The following PLCE1 variants were observed in gnomAD, a reference collection of about 807,000 sequenced individuals.
The protein encoded by PLCE1 is phospholipase C epsilon 1.
PLCE1 carries 119 observed loss-of-function variants against 242.8 expected under a neutral mutation model. The observed-to-expected ratio is 0.49, with a 90% CI of 0.42 to 0.57. The LOEUF is 0.57. Ranked by LOEUF, PLCE1 falls within the 20% of genes least tolerant of loss-of-function variation. The pLI, the probability that PLCE1 is intolerant of heterozygous loss-of-function variation, is 0.00. For synonymous variants in PLCE1, 945 were observed against 1,017.4 expected (o/e 0.93, Z 1.35); for missense variants, 2,441 against 2,788.8 (o/e 0.88, Z 2.81).
chr10:94,160,299 A>G lies in PLCE1; in HGVS notation c.1493-10881A>G, dbSNP rs560259464. Reference sequence around the variant, plus strand: ...GCACCTGTTGTTTCCTGACTTTTTAATGATTGCCATTCTAACTGGTATGAG... The same window carrying G: ...GCACCTGTTGTTTCCTGACTTTTTAGTGATTGCCATTCTAACTGGTATGAG... On this transcript the variant is annotated intron_variant, in intron 3 of 32. Transcript: ENST00000371380. 2.6e-5 allele frequency among the ~76,000 whole-genome samples: 4 copies of G among 152,216 alleles called. No individual in the cohort carries two copies. In the East Asian group the frequency reaches 5.8e-4, roughly 22 times the overall value.
chr10:94,204,775 G>A (rs558776488), intron 4 of PLCE1, among the ~76,000 whole-genome samples: 4 of 128,040 alleles, frequency 3.1e-5, no homozygotes, highest in East Asian at 2.3e-4. Context: ...AGGAAGGAAG[G>A]AAGGAAGGAA....
chr10:94,156,518 T>G (rs2047438608), intron 3 of PLCE1, among the ~76,000 whole-genome samples: 1 of 152,178 alleles, frequency 6.6e-6, no homozygotes, highest in African/African-American at 2.4e-5. Flanking sequence ...TAGAGCAACG[T>G]GTGGGGAAGG....
At chr10:94,184,573 G>A (rs1214990119) in intron 4 of PLCE1, among the ~76,000 whole-genome samples, 4 of 152,070 alleles carry the variant, frequency 2.6e-5, no homozygotes, top group African/African-American at 7.2e-5. Context: ...TAGGTGATCT[G>A]CCTGCCTCAG....
chr10:94,273,762 C>T, intron 19 of PLCE1, 42 bp downstream of exon 19: 1 of 1,575,486 alleles, frequency 6.3e-7, no homozygotes, highest in Non-Finnish European at 8.7e-7. Flanking sequence ...GGCAGTGTGC[C>T]TAGAACAAAG....
Position 94,328,127 on chromosome 10 carries a change from A to AC in PLCE1, c.*186dup, listed in dbSNP as rs1441728722. 2.9e-6 allele frequency: 1 copy of AC among 349,930 alleles called. No individual in the cohort carries two copies. The highest frequency in any genetic ancestry group is 3.4e-5 in the Admixed American group (1 of 29,040). 21.7% of individuals were successfully genotyped at this position (349,930 alleles called of 1,614,324 possible). ...GCAAAATGGCACAGGGCTAGTTGCC[A>AC]CCAACCAATTTACTGATGAATGAAG... On this transcript the variant is annotated 3_prime_UTR_variant, in exon 33 of 33. Coordinates refer to ENST00000371380, the MANE Select transcript of PLCE1 (RefSeq NM_016341.4).
At chr10:94,164,764 T>G (rs147121076) in intron 3 of PLCE1, among the ~76,000 whole-genome samples, 2,066 of 152,272 alleles carry the variant, frequency 0.014, 23 homozygotes, top group Non-Finnish European at 0.022. Flanking sequence ...CATCTTTGTG[T>G]TTTTATCTAC....
rs113690587 is a variant in PLCE1, at chr10:94,174,447, A to C, written c.1809+2951A>C. Among the ~76,000 whole-genome samples, 130 of 152,334 alleles carry C rather than the reference A, an allele frequency of 8.5e-4. 1 individual carries two copies. The highest frequency in any genetic ancestry group is 3.4e-3 in the Middle Eastern group (1 of 294). ...AAATTATTGGGCAAAAGTAAGTTTGATGAGAAATAGGACATTTGCAAATAG... is the reference window on the plus strand; with the variant it reads ...AAATTATTGGGCAAAAGTAAGTTTGCTGAGAAATAGGACATTTGCAAATAG... On this transcript the variant is annotated intron_variant, in intron 4 of 32. Coordinates refer to ENST00000371380, the MANE Select transcript of PLCE1 (RefSeq NM_016341.4).
chr10:94,083,244 TA>T (rs762589349), intron 2 of PLCE1, among the ~76,000 whole-genome samples: 2 of 152,180 alleles, frequency 1.3e-5, no homozygotes, highest in Non-Finnish European at 2.9e-5. Context: ...GTGTATTGGA[TA>T]AAATAACATC....
At chr10:94,068,879 C>A (rs899130074) in intron 2 of PLCE1, among the ~76,000 whole-genome samples, 1 of 152,166 alleles carries the variant, frequency 6.6e-6, no homozygotes, top group Admixed American at 6.5e-5. Context: ...TTGTTACATG[C>A]CTATCTTCCT....
intron 2 of PLCE1, among the ~76,000 whole-genome samples, chr10:94,068,252 C>T (rs968400378): frequency 6.6e-6 from 1 of 152,192 alleles, no homozygotes; most frequent in African/African-American, 2.4e-5. Flanking sequence ...TTAGCCTTCT[C>T]AGCAATAGAA....
At chr10:94,142,667 A>G (rs552793608) in intron 3 of PLCE1, among the ~76,000 whole-genome samples, 58 of 152,358 alleles carry the variant, frequency 3.8e-4, no homozygotes, top group African/African-American at 1.3e-3. Context: ...TGCCACCACC[A>G]TCTTGAAATG....
At chr10:94,206,135 G>A (rs559014975) in intron 4 of PLCE1, among the ~76,000 whole-genome samples, 4 of 152,272 alleles carry the variant, frequency 2.6e-5, no homozygotes, top group South Asian at 4.1e-4. Flanking sequence ...ACCTCAAGTC[G>A]AGTGATGAGG....
intron 1 of PLCE1, among the ~76,000 whole-genome samples, chr10:94,005,816 C>T (rs2061024745): frequency 6.6e-6 from 1 of 152,164 alleles, no homozygotes; most frequent in African/African-American, 2.4e-5. Flanking sequence ...CCTCACCTTC[C>T]CAGTCATGAC....
At chr10:94,070,574 G>C (rs968489821) in intron 2 of PLCE1, among the ~76,000 whole-genome samples, 2 of 152,100 alleles carry the variant, frequency 1.3e-5, no homozygotes, top group Non-Finnish European at 2.9e-5. Flanking sequence ...TCTCAGTCTA[G>C]ACTCTAATTG....
chr10:94,104,231 C>T (rs1770936061), intron 2 of PLCE1: 1 of 152,210 alleles, frequency 6.6e-6, no homozygotes, highest in Non-Finnish European at 1.5e-5. Flanking sequence ...GTAACGTCCT[C>T]TTCACAACCC....
At chr10:94,270,722 T>G (rs1230730508) in intron 18 of PLCE1, 120 bp downstream of exon 18, 6 of 753,958 alleles carry the variant, frequency 8.0e-6, no homozygotes, top group African/African-American at 1.7e-5. Flanking sequence ...CAGGCTGGAG[T>G]GCAGTGGTGC....
chr10:94,029,049 G>A (rs1045296602), intron 1 of PLCE1, among the ~76,000 whole-genome samples: 1 of 152,074 alleles, frequency 6.6e-6, no homozygotes, highest in African/African-American at 2.4e-5. Context: ...AGCAGTGATT[G>A]TGCCATTGCA....
At chr10:94,002,134 T>C (rs1355732248) in intron 1 of PLCE1, among the ~76,000 whole-genome samples, 1 of 152,146 alleles carries the variant, frequency 6.6e-6, no homozygotes, top group Non-Finnish European at 1.5e-5. Flanking sequence ...TCAATTATTA[T>C]TTGAATCTAA....
intron 3 of PLCE1, among the ~76,000 whole-genome samples, chr10:94,162,750 T>G (rs1423300061): frequency 6.6e-6 from 1 of 152,114 alleles, no homozygotes; most frequent in African/African-American, 2.4e-5. Context: ...GTGATGTTAG[T>G]GTGTCAATTT....
Sources: allele counts gnomAD v4.1 joint callset (sites outside exome capture counted in the v4.1 genomes callset), GRCh38; gene constraint gnomAD v4.1.1; transcripts MANE v1.5; gene names NCBI Gene and HGNC (gene_info 2026-07-23, HGNC 2026-07-21).